The following CCDC14 variants were observed in gnomAD, a reference collection of about 807,000 sequenced individuals.
CCDC14 encodes coiled-coil domain-containing protein 14.
CCDC14 carries 71 observed loss-of-function variants against 81.4 expected under a neutral mutation model. The observed-to-expected ratio is 0.87, with a 90% CI of 0.72 to 1.06. CCDC14 has a LOEUF of 1.06. Ranked by LOEUF, CCDC14 falls within the 50% of genes least tolerant of loss-of-function variation. The pLI, the probability that CCDC14 is intolerant of heterozygous loss-of-function variation, is 0.00. For missense variants in CCDC14, 1,046 were observed against 1,047.3 expected, an observed-to-expected ratio of 1.00 and a Z score of 0.02; for synonymous variants, 332 against 364.8, an observed-to-expected ratio of 0.91 and a Z score of 1.03.
the CCDC14 span, among the ~76,000 whole-genome samples, chr3:123,890,951 A>T: frequency 2.6e-5 from 4 of 152,002 alleles, no homozygotes; most frequent in Non-Finnish European, 5.9e-5. Context: ...GCATTTCCAT[A>T]CTTCCTCTGA....
In CCDC14 at chr3:123,931,485, A is replaced by G. The variant is rs762897134; in HGVS notation, c.1468T>C (p.Leu490=). Residue 490 remains leucine (L), a synonymous_variant, in exon 11 of 13, where the codon TTG becomes CTG. Transcript: ENST00000409697. ...TCCTGGCTCTTTAGTGACTCCTCCA[A>G]TTGATTTTGCAGTGACATATTCAAT... is the stretch of plus-strand genomic sequence containing the variant. The part of the protein sequence containing the change: ...QSLNMSLQNQ[L]EESLKSQELL... 8.3e-6 allele frequency: 13 copies of G among 1,574,128 alleles called. No individual in the cohort carries two copies. The highest frequency in any genetic ancestry group is 4.0e-5 in the African/African-American group (3 of 74,306).
intron 9 of CCDC14, among the ~76,000 whole-genome samples, chr3:123,944,277 C>A (rs1171214769): frequency 6.6e-6 from 1 of 152,114 alleles, no homozygotes; most frequent in East Asian, 1.9e-4. Flanking sequence ...ATGTCCCAGA[C>A]CTTTCTATTA....
At chr3:123,909,672 CTTAG>C (rs1049316876), downstream of CCDC14, among the ~76,000 whole-genome samples, 2 of 152,208 alleles carry the variant, frequency 1.3e-5, no homozygotes, top group African/African-American at 2.4e-5. Context: ...TTATCATCCA[CTTAG>C]TGTTTGTAGT....
At chr3:123,945,580 G>A (rs2036584384) in intron 8 of CCDC14, among the ~76,000 whole-genome samples, 1 of 152,080 alleles carries the variant, frequency 6.6e-6, no homozygotes, top group South Asian at 2.1e-4. Flanking sequence ...TTTGGAGATT[G>A]CAAACAGACA....
downstream of CCDC14, among the ~76,000 whole-genome samples, chr3:123,895,781 CTT>C (rs2034051911): frequency 2.0e-5 from 3 of 152,286 alleles, no homozygotes; most frequent in South Asian, 6.2e-4. Flanking sequence ...AGAGATTACT[CTT>C]TTGTGGAGAA....
At chr3:123,897,705 C>A in intron 5 of CCDC14, 1 of 581,540 alleles carries the variant, frequency 1.7e-6, no homozygotes, top group Non-Finnish European at 2.3e-6. Flanking sequence ...CCTTCATATT[C>A]TACTTTTATA....
Position 123,914,205 on chromosome 3 carries a change from CTTAGGA to C in CCDC14, c.*568_*573del. ...CAAGTTTTAAGAAGCCATATGTTAA[CTTAGGA>C]TGTTATCTATATATTTTTTAGACCA... is the stretch of plus-strand genomic sequence containing the variant. On this transcript the variant is annotated 3_prime_UTR_variant, in exon 13 of 13. Transcript: ENST00000409697. 3.0e-6 allele frequency: 3 copies of C among 984,606 alleles called. No individual in the cohort carries two copies. The highest frequency in any genetic ancestry group is 3.6e-6 in the Non-Finnish European group (3 of 828,878). The allele number at this position is 984,606 out of a possible 1,614,324, so 61.0% of individuals were successfully genotyped here. A position where few individuals can be genotyped will look rare whatever the true frequency, so the allele number is the denominator to read the frequency against.
Position 123,915,409 on chromosome 3 carries a change from T to C in CCDC14, c.2088A>G (p.Ala696=). ...GGGCAGAAATAATTCCAGGTGCAGA[T>C]GCTTCCTCCATGCCCCTAGTGTTAC... ...QNSNTRGMEE[A]SAPGIISALS... The change falls in exon 13 of 13, where the codon GCA becomes GCG. Residue 696 remains alanine (A), a synonymous_variant. Coordinates refer to ENST00000409697, the MANE Select transcript of CCDC14 (RefSeq NM_001366335.1). The C allele has an allele frequency of 6.2e-7, 1 of 1,613,854 alleles. No homozygotes were observed. The highest frequency in any genetic ancestry group is 8.5e-7 in the Non-Finnish European group (1 of 1,179,830).
chr3:123,929,559 T>G (rs2035585604), intron 12 of CCDC14, among the ~76,000 whole-genome samples: 1 of 152,130 alleles, frequency 6.6e-6, no homozygotes, highest in Non-Finnish European at 1.5e-5. Flanking sequence ...CACCTCGGCC[T>G]CCCAAAGTGC....
At chr3:123,931,272 A>T (rs2035686345) in intron 11 of CCDC14, 36 bp downstream of exon 11, 1 of 1,582,808 alleles carries the variant, frequency 6.3e-7, no homozygotes, top group African/African-American at 1.4e-5. Context: ...TATTCCTTTT[A>T]AAAGATGTGA....
chr3:123,921,907 C>A (rs968698464), intron 12 of CCDC14, among the ~76,000 whole-genome samples: 2 of 152,194 alleles, frequency 1.3e-5, no homozygotes, highest in African/African-American at 4.8e-5. Flanking sequence ...ATAGAACATT[C>A]CATCCTACAG....
Position 123,945,010 on chromosome 3 carries a change from T to C in CCDC14, c.1202-20A>G. On this transcript the variant is annotated intron_variant, in intron 8 of 12. Coordinates refer to ENST00000409697, the MANE Select transcript of CCDC14 (RefSeq NM_001366335.1). ...AATCCTCTATAGAAGGCAACAGAAATGAGTAAAATCAATATTATATTTTTG... is the reference window on the plus strand; with the variant it reads ...AATCCTCTATAGAAGGCAACAGAAACGAGTAAAATCAATATTATATTTTTG... 10 of 1,541,120 alleles carry C rather than the reference T, an allele frequency of 6.5e-6. No individual in the cohort carries two copies. Among genetic ancestry groups the C allele is most frequent in the Non-Finnish European group, 8.0e-6 (9 of 1,130,986 alleles).
chr3:123,935,039 CAT>C (rs2035980329), intron 9 of CCDC14, among the ~76,000 whole-genome samples: 2 of 152,086 alleles, frequency 1.3e-5, no homozygotes, highest in Non-Finnish European at 2.9e-5. Flanking sequence ...AATACCTGCA[CAT>C]ATGTTATAGA....
downstream of CCDC14, among the ~76,000 whole-genome samples, chr3:123,910,367 G>A (rs1351545587): frequency 1.3e-5 from 2 of 152,060 alleles, no homozygotes; most frequent in Non-Finnish European, 2.9e-5. Context: ...GAAGTTCATT[G>A]CTGGATTTAC....
At chr3:123,938,722 A>C (rs1352595890) in intron 9 of CCDC14, among the ~76,000 whole-genome samples, 1 of 151,974 alleles carries the variant, frequency 6.6e-6, no homozygotes, top group Non-Finnish European at 1.5e-5. Context: ...TCTAAGAAGA[A>C]TTTTAAAATA....
intron 12 of CCDC14, among the ~76,000 whole-genome samples, chr3:123,928,409 GGCAGGAGAA>G (rs1269596978): frequency 1.3e-5 from 2 of 151,474 alleles, no homozygotes; most frequent in African/African-American, 4.9e-5. Context: ...GGGAGGCTGA[GGCAGGAGAA>G]TGGCGTGAAC....
chr3:123,948,657 A>G, intron 7 of CCDC14, 34 bp downstream of exon 7: 1 of 1,458,328 alleles, frequency 6.9e-7, no homozygotes, highest in Non-Finnish European at 9.4e-7. Flanking sequence ...CTATAAGCAA[A>G]TAGTTACTTA....
intron 5 of CCDC14, among the ~76,000 whole-genome samples, chr3:123,907,026 T>C (rs2034327214): frequency 6.6e-6 from 1 of 152,214 alleles, no homozygotes; most frequent in Admixed American, 6.5e-5. Context: ...AGCTGTTCCA[T>C]TCAGTTATAA....
At chr3:123,961,092 C>T in intron 1 of CCDC14, 52 bp downstream of exon 1, 1 of 1,470,960 alleles carries the variant, frequency 6.8e-7, no homozygotes, top group South Asian at 1.3e-5. Context: ...CCCGAAAACC[C>T]CCCTGTCCCT....
Sources: allele counts gnomAD v4.1 joint callset (sites outside exome capture counted in the v4.1 genomes callset), GRCh38; gene constraint gnomAD v4.1.1; transcripts MANE v1.5; gene names NCBI Gene and HGNC (gene_info 2026-07-23, HGNC 2026-07-21).